RAD54L2: variants seen among roughly 807,000 people sequenced by gnomAD.
RAD54L2 encodes the protein RAD54 like 2.
In RAD54L2, 27 loss-of-function variants were observed where a neutral mutation model predicts 138.4. The ratio of observed to expected loss-of-function variants is 0.20; its 90% CI spans 0.14 to 0.27. RAD54L2 has a LOEUF of 0.27. Ranked by LOEUF, RAD54L2 falls within the 10% of genes least tolerant of loss-of-function variation. The pLI, the probability that RAD54L2 is intolerant of heterozygous loss-of-function variation, is 1.00. For missense variants in RAD54L2, 1,396 were observed against 1,890.2 expected, an observed-to-expected ratio of 0.74 and a Z score of 4.85; for synonymous variants, 644 against 723.2, an observed-to-expected ratio of 0.89 and a Z score of 1.76.
At chr3:51,617,982 G>A (rs1323461916) in intron 3 of RAD54L2, among the ~76,000 whole-genome samples, 1 of 150,948 alleles carries the variant, frequency 6.6e-6, no homozygotes, top group Admixed American at 6.6e-5. Context: ...TTTTTGAGAC[G>A]GAGTCTCACT....
At chr3:51,597,841 G>T (rs1022284790) in intron 3 of RAD54L2, among the ~76,000 whole-genome samples, 2 of 151,346 alleles carry the variant, frequency 1.3e-5, no homozygotes, top group Admixed American at 1.3e-4. Context: ...GTAATCCCAG[G>T]TACTCTGGAG....
Position 51,663,133 on chromosome 3 carries a change from C to G in RAD54L2, c.4117C>G (p.Pro1373Ala), listed in dbSNP as rs745641287. The G allele has an allele frequency of 3.1e-6, 5 of 1,613,888 alleles. No individual in the cohort carries two copies. Among genetic ancestry groups the G allele is most frequent in the African/African-American group, 2.7e-5 (2 of 74,928 alleles). ...TASNPSFMLN[P>A]SVPGILPSYS... ...CAGCAACCCCTCCTTCATGCTCAAC[C>G]CTTCTGTGCCAGGGATACTACCCAG... Residue 1373 changes from proline to alanine, a missense_variant, in exon 23 of 23, where the codon CCT (proline) becomes GCT (alanine). This residue lies in a region of RAD54L2 where 634 missense variants were observed against 711.2 expected (regional missense o/e 0.89). Coordinates refer to ENST00000684192, the MANE Select transcript of RAD54L2 (RefSeq NM_015106.4).
intron 2 of RAD54L2, 111 bp from the exon 3 acceptor site, chr3:51,590,256 G>T (rs1359200206): frequency 6.8e-6 from 5 of 740,192 alleles, no homozygotes; most frequent in African/African-American, 5.4e-5. Context: ...CTCCCAAAGT[G>T]CTGGGATTAC....
Position 51,629,300 on chromosome 3 carries a change from G to GA in RAD54L2, c.342-32dup, listed in dbSNP as rs1015859863. On this transcript the variant is annotated intron_variant, in intron 4 of 22. Transcript: ENST00000684192. ...CCATTACATTGCCCAAATCTTAATT[G>GA]AACCCAAGTGCTGTCTCTTATGTGA... 5 of 1,561,350 alleles carry GA rather than the reference G, an allele frequency of 3.2e-6. No individual in the cohort carries two copies. In the African/African-American group the frequency reaches 5.5e-5, roughly 17 times the overall value.
chr3:51,569,569 A>C (rs1331578430), intron 2 of RAD54L2, among the ~76,000 whole-genome samples: 1 of 151,984 alleles, frequency 6.6e-6, no homozygotes, highest in East Asian at 1.9e-4. Context: ...TTTTTAGTAG[A>C]GACTGGGTTT....
chr3:51,651,404 G>C (rs1701430902), intron 19 of RAD54L2, among the ~76,000 whole-genome samples: 2 of 152,104 alleles, frequency 1.3e-5, no homozygotes, highest in Non-Finnish European at 2.9e-5. Context: ...CCAATCAATA[G>C]AAAAAGAGGA....
At chr3:51,576,468 A>G (rs1699483900) in intron 2 of RAD54L2, among the ~76,000 whole-genome samples, 1 of 152,120 alleles carries the variant, frequency 6.6e-6, no homozygotes, top group African/African-American at 2.4e-5. Context: ...CTCTGAATCC[A>G]TCTGGTCCTG....
chr3:51,574,672 T>C (rs754589087), intron 2 of RAD54L2, among the ~76,000 whole-genome samples: 3 of 152,228 alleles, frequency 2.0e-5, no homozygotes, highest in Non-Finnish European at 2.9e-5. Context: ...TCATATCCTT[T>C]AACCACTTTT....
intron 2 of RAD54L2, among the ~76,000 whole-genome samples, chr3:51,564,492 A>G (rs1699168022): frequency 2.6e-5 from 4 of 152,248 alleles, no homozygotes. Context: ...GAGACTGGAT[A>G]GGAGGAGGTA....
At chr3:51,615,017 T>TATTTC (rs1216399205) in intron 3 of RAD54L2, among the ~76,000 whole-genome samples, 1 of 151,974 alleles carries the variant, frequency 6.6e-6, no homozygotes, top group Non-Finnish European at 1.5e-5. Flanking sequence ...TATTTTATTT[T>TATTTC]ATTTTATTTT....
Position 51,637,105 on chromosome 3 carries a change from A to G in RAD54L2, c.1340-56A>G. ...AGGGTGCACCCCTACTTCTCATATT[A>G]TTGACTAAGAGCAGGCCCTGTCACC... On this transcript the variant is annotated intron_variant, in intron 10 of 22. Coordinates refer to ENST00000684192, the MANE Select transcript of RAD54L2 (RefSeq NM_015106.4). The surrounding 1 kb of genome is among the most constrained non-coding windows in gnomAD (Gnocchi z 5.9). The G allele has an allele frequency of 7.0e-7, 1 of 1,438,478 alleles. No individual in the cohort carries two copies. Among genetic ancestry groups the G allele is most frequent in the Non-Finnish European group, 9.5e-7 (1 of 1,048,334 alleles). The allele number at this position is 1,438,478 out of a possible 1,614,324, so 89.1% of individuals were successfully genotyped here.
chr3:51,640,197 GCACTGGAGTCTAATCTTT>G (rs1192251048), intron 14 of RAD54L2, among the ~76,000 whole-genome samples, 198 bp downstream of exon 14: 1 of 152,062 alleles, frequency 6.6e-6, no homozygotes, highest in Non-Finnish European at 1.5e-5. Flanking sequence ...CCCTAGGTTA[GCACTGGAGTCTAATCTTT>G]CAAATTCTGG....
At chr3:51,549,349 C>G (rs868947730) in intron 2 of RAD54L2, among the ~76,000 whole-genome samples, 1 of 152,150 alleles carries the variant, frequency 6.6e-6, no homozygotes, top group Non-Finnish European at 1.5e-5. Context: ...GAGAGCTCTA[C>G]TCTCTTTACA....
intron 3 of RAD54L2, among the ~76,000 whole-genome samples, chr3:51,608,409 A>G (rs1323429329): frequency 1.3e-5 from 2 of 152,078 alleles, no homozygotes; most frequent in African/African-American, 4.8e-5. Flanking sequence ...GACGCTCCTC[A>G]CTTCCTAGAC....
At chr3:51,608,055 T>G (rs1421152929) in intron 3 of RAD54L2, among the ~76,000 whole-genome samples, 7 of 146,676 alleles carry the variant, frequency 4.8e-5, no homozygotes, top group African/African-American at 7.7e-5. Context: ...GCAGAGGGGC[T>G]CCTCACTTCC....
intron 14 of RAD54L2, among the ~76,000 whole-genome samples, chr3:51,640,396 C>T (rs1701100888): frequency 6.6e-6 from 1 of 152,186 alleles, no homozygotes; most frequent in South Asian, 2.1e-4. Flanking sequence ...AATCTTCTAT[C>T]CCGCCCCAAC....
At chr3:51,641,179 G>C (rs1230179607) in intron 14 of RAD54L2, among the ~76,000 whole-genome samples, 1 of 151,928 alleles carries the variant, frequency 6.6e-6, no homozygotes, top group Non-Finnish European at 1.5e-5. Context: ...ATTATTTTTG[G>C]ATTTTTAGTA....
Position 51,630,757 on chromosome 3 carries a change from C to T in RAD54L2, c.651C>T (p.Ser217=), listed in dbSNP as rs376688588. 50 of 1,613,894 alleles carry T rather than the reference C, an allele frequency of 3.1e-5. No homozygotes were observed. Among genetic ancestry groups the T allele is most frequent in the Non-Finnish European group, 3.7e-5 (44 of 1,179,884 alleles). ...GEEDTLHIVD[S]SESVSEDDEE... Reference sequence around the variant, plus strand: ...AGGACACTCTGCACATTGTGGACAGCAGTGAATCTGTCAGTGAAGATGATG... The same window carrying T: ...AGGACACTCTGCACATTGTGGACAGTAGTGAATCTGTCAGTGAAGATGATG... The change falls in exon 7 of 23, where the codon AGC becomes AGT. Residue 217 remains serine (S), a synonymous_variant. Coordinates refer to ENST00000684192, the MANE Select transcript of RAD54L2 (RefSeq NM_015106.4).
chr3:51,596,292 G>C (rs1699963538), intron 3 of RAD54L2, among the ~76,000 whole-genome samples: 2 of 150,286 alleles, frequency 1.3e-5, no homozygotes, highest in African/African-American at 4.9e-5. Flanking sequence ...TCAACTGTCC[G>C]TGATAGGGAG....
Sources: gnomAD v4.1 joint callset for allele counts (sites outside exome capture counted in the v4.1 genomes callset) on GRCh38, gnomAD v4.1.1 for gene constraint, gnomAD v4.1.1 regional missense constraint, Gnocchi (gnomAD v3.1) non-coding constraint, MANE v1.5 for transcripts, NCBI Gene and HGNC (gene_info 2026-07-23, HGNC 2026-07-21) for gene names.